Variants in CDC14B observed in about 807,000 individuals in gnomAD.
CDC14B encodes cell division cycle 14B, also known as dual specificity protein phosphatase CDC14B.
CDC14B carries 22 observed loss-of-function variants against 64.2 expected under a neutral mutation model. The observed-to-expected ratio is 0.34, with a 90% confidence interval of 0.24 to 0.49. The LOEUF (loss-of-function observed/expected upper bound fraction) is 0.49. Ranked by LOEUF, CDC14B falls within the 20% of genes least tolerant of loss-of-function variation. The pLI is 0.99. For synonymous variants in CDC14B, 191 were observed against 215.8 expected (o/e 0.89, Z 1.01); for missense variants, 498 against 629.9 (o/e 0.79, Z 2.24).
At chr9:96,522,846 GT>G (rs1262956165) in intron 11 of CDC14B, among the ~76,000 whole-genome samples, 1 of 152,188 alleles carries the variant, frequency 6.6e-6, no homozygotes, top group Non-Finnish European at 1.5e-5. Flanking sequence ...GGGCTTTCAA[GT>G]TTGAAAACGC....
chr9:96,546,549 A>T (rs1006423957), intron 5 of CDC14B, among the ~76,000 whole-genome samples: 2 of 151,810 alleles, frequency 1.3e-5, no homozygotes, highest in Non-Finnish European at 1.5e-5. Context: ...TCTCAGGTTG[A>T]AGTGATTCTC....
intron 4 of CDC14B, among the ~76,000 whole-genome samples, chr9:96,557,839 A>C (rs1842684218): frequency 6.6e-6 from 1 of 152,248 alleles, no homozygotes; most frequent in Admixed American, 6.5e-5. Context: ...ATTAGAGGAA[A>C]GCAAATTTGC....
intron 1 of CDC14B, chr9:96,618,697 G>A: frequency 2.3e-6 from 1 of 441,740 alleles, no homozygotes; most frequent in Non-Finnish European, 4.4e-6. Context: ...GCGCCGGACG[G>A]GCAACGCGGC....
intron 1 of CDC14B, among the ~76,000 whole-genome samples, chr9:96,598,631 G>C (rs17435797): frequency 2.6e-5 from 4 of 151,950 alleles, no homozygotes; most frequent in Non-Finnish European, 5.9e-5. Context: ...CACTGTGCCC[G>C]GCCTATTTGT....
chr9:96,560,312 G>A (rs2132222028), intron 4 of CDC14B, among the ~76,000 whole-genome samples: 1 of 152,246 alleles, frequency 6.6e-6, no homozygotes, highest in Middle Eastern at 3.4e-3. Context: ...ACTTTGTCCA[G>A]GTCAGTGTAA....
At chr9:96,522,068 T>C (rs974047117) in intron 12 of CDC14B, among the ~76,000 whole-genome samples, 2 of 152,180 alleles carry the variant, frequency 1.3e-5, no homozygotes, top group Non-Finnish European at 2.9e-5. Flanking sequence ...ACCCAAAATA[T>C]AGTTTAGACC....
intron 12 of CDC14B, among the ~76,000 whole-genome samples, chr9:96,519,714 G>A (rs1326366263): frequency 7.9e-6 from 1 of 126,010 alleles, no homozygotes; most frequent in East Asian, 2.5e-4. Flanking sequence ...CCGGCCAACA[G>A]AGCAAGACTC....
chr9:96,496,287 C>G (rs945998002), downstream of CDC14B: 1 of 512,826 alleles, frequency 1.9e-6, no homozygotes, highest in Non-Finnish European at 3.9e-6. Flanking sequence ...CCCCGCAGGT[C>G]TAGTCCTTGT....
At chr9:96,617,804 T>G (rs531936022) in intron 1 of CDC14B, among the ~76,000 whole-genome samples, 3 of 152,300 alleles carry the variant, frequency 2.0e-5, no homozygotes, top group African/African-American at 7.2e-5. Context: ...ATGCATTACT[T>G]GTCCTAAAAT....
chr9:96,572,231 TAGTA>T lies in CDC14B; in HGVS notation c.161-6752_161-6749del, dbSNP rs564473560. 1.5e-4 allele frequency among the ~76,000 whole-genome samples: 23 copies of T among 152,252 alleles called. No individual in the cohort carries two copies. The South Asian group carries it at 3.5e-3, about 23-fold the overall frequency. On this transcript the variant is annotated intron_variant, in intron 1 of 13. Coordinates refer to ENST00000375241, the MANE Select transcript of CDC14B (RefSeq NM_033331.4). Reference sequence around the variant, plus strand: ...CTTTAAAATAGCCTTCATAATAAACTAGTAAGTGAGTTTCCCCGATTCCTCCAGC... The same window carrying T: ...CTTTAAAATAGCCTTCATAATAAACTAGTGAGTTTCCCCGATTCCTCCAGC...
At position 96,544,892 on chromosome 9, in the gene CDC14B, G is replaced by C. The variant is rs201457631; in HGVS notation, c.498-3000C>G. Among the ~76,000 whole-genome samples the C allele has an allele frequency of 9.9e-5, 15 of 152,118 alleles. No homozygotes were observed. In the East Asian group the frequency reaches 2.9e-3, roughly 29 times the overall value. On this transcript the variant is annotated intron_variant, in intron 5 of 13. Coordinates refer to ENST00000375241, the MANE Select transcript of CDC14B (RefSeq NM_033331.4). The stretch of plus-strand genomic sequence containing the variant: ...CTAGAAAAAGTCTTTAACCTAAAAG[G>C]CCACGATTTTACCAACACTTTATTG...
chr9:96,547,477 A>G (rs1841112508), intron 5 of CDC14B, among the ~76,000 whole-genome samples: 1 of 152,004 alleles, frequency 6.6e-6, no homozygotes, highest in African/African-American at 2.4e-5. Context: ...AAAAAAAAAA[A>G]AAAGATACGG....
At chr9:96,507,060 G>C (rs1388248310) in intron 13 of CDC14B, among the ~76,000 whole-genome samples, 2 of 152,218 alleles carry the variant, frequency 1.3e-5, no homozygotes, top group Admixed American at 6.5e-5. Flanking sequence ...TTGGGGGGCT[G>C]AGGCAGGTGG....
chr9:96,525,515 G>T (rs1837422948), intron 9 of CDC14B, among the ~76,000 whole-genome samples: 1 of 151,950 alleles, frequency 6.6e-6, no homozygotes, highest in Non-Finnish European at 1.5e-5. Context: ...ATTAGTTACA[G>T]CAAACCCAGC....
intron 1 of CDC14B, among the ~76,000 whole-genome samples, chr9:96,610,595 G>T (rs1250654042): frequency 6.6e-6 from 1 of 151,608 alleles, no homozygotes. Flanking sequence ...TCAGTAAATA[G>T]GATATAAATC....
intron 1 of CDC14B, among the ~76,000 whole-genome samples, chr9:96,616,106 T>C (rs187984300): frequency 3.0e-4 from 45 of 150,796 alleles, no homozygotes; most frequent in Admixed American, 9.2e-4. Flanking sequence ...CTGGGGGGGA[T>C]CACGAAGTCA....
At chr9:96,579,643 A>T (rs1289773319) in intron 1 of CDC14B, among the ~76,000 whole-genome samples, 1 of 152,008 alleles carries the variant, frequency 6.6e-6, no homozygotes, top group East Asian at 1.9e-4. Flanking sequence ...CACACAGGAA[A>T]GGTCACGTGG....
chr9:96,545,160 T>C (rs1415304632), intron 5 of CDC14B, among the ~76,000 whole-genome samples: 3 of 152,080 alleles, frequency 2.0e-5, no homozygotes, highest in African/African-American at 7.2e-5. Flanking sequence ...TTTGTAGAAA[T>C]AGGGTGTTCA....
In CDC14B at chr9:96,572,189, G is replaced by C. The variant is rs192465723; in HGVS notation, c.161-6706C>G. Among the ~76,000 whole-genome samples, 157 of 152,272 alleles carry C rather than the reference G, an allele frequency of 1.0e-3. 1 individual carries two copies. Among genetic ancestry groups the C allele is most frequent in the Non-Finnish European group, 1.9e-3 (127 of 68,024 alleles). On this transcript the variant is annotated intron_variant, in intron 1 of 13. Coordinates refer to ENST00000375241, the MANE Select transcript of CDC14B (RefSeq NM_033331.4). The stretch of plus-strand genomic sequence containing the variant: ...CCTCACCCTGCGCATCTCTTCCTGT[G>C]GCTGTTTATCTGTATCCTTTAAAAT...
Sources: allele counts gnomAD v4.1 joint callset (sites outside exome capture counted in the v4.1 genomes callset), GRCh38; gene constraint gnomAD v4.1.1; transcripts MANE v1.5; gene names NCBI Gene and HGNC (gene_info 2026-07-23, HGNC 2026-07-21).